Variants in C3orf70 observed in about 807,000 individuals in gnomAD.
The protein encoded by C3orf70 is chromosome 3 open reading frame 70, also known as UPF0524 protein C3orf70.
A neutral mutation model predicts 20.7 loss-of-function variants in C3orf70; 15 were observed. The ratio of observed to expected loss-of-function variants is 0.72; its 90% CI spans 0.48 to 1.11. The LOEUF (loss-of-function observed/expected upper bound fraction) is 1.11, where lower values mean the gene tolerates loss of function less well. Ranked by LOEUF, C3orf70 falls within the 50% of genes most tolerant of loss-of-function variation. The pLI is 0.00. For missense variants in C3orf70, 332 were observed against 317.6 expected (o/e 1.05, Z -0.34); for synonymous variants, 161 against 125.7 (o/e 1.28, Z -1.88).
rs181715140 is a variant in C3orf70 at position 185,106,849 on chromosome 3, T to C, written c.197-23286A>G. Among the ~76,000 whole-genome samples, 59 of 152,180 alleles carry C rather than the reference T, an allele frequency of 3.9e-4. No homozygotes were observed. In the East Asian group the frequency reaches 9.9e-3, roughly 25 times the overall value. On this transcript the variant is annotated intron_variant, in intron 1 of 1. Transcript: ENST00000335012. ...AGGTCTAGTTTAAATTTAAAAGGAG[T>C]GCAAACACATACAGGAGTCATTGAC...
intron 1 of C3orf70, among the ~76,000 whole-genome samples, chr3:185,086,830 C>T (rs529099945): frequency 8.0e-4 from 121 of 152,020 alleles, no homozygotes; most frequent in African/African-American, 2.5e-3. Flanking sequence ...GTAAAGATGG[C>T]CACATAAAAA....
intron 1 of C3orf70, among the ~76,000 whole-genome samples, chr3:185,109,499 A>T (rs1377795002): frequency 2.6e-5 from 4 of 152,184 alleles, no homozygotes; most frequent in African/African-American, 4.8e-5. Context: ...ACCCCAACTG[A>T]CACAAGCAAC....
At chr3:185,149,926 TTTTAA>T (rs1339311605) in intron 1 of C3orf70, among the ~76,000 whole-genome samples, 1 of 152,238 alleles carries the variant, frequency 6.6e-6, no homozygotes, top group Non-Finnish European at 1.5e-5. Flanking sequence ...AGATTATTTA[TTTTAA>T]AACAGTTTCT....
Position 185,085,612 on chromosome 3 carries a change from G to A in C3orf70, c.197-2049C>T, listed in dbSNP as rs556794513. On this transcript the variant is annotated intron_variant, in intron 1 of 1. Transcript: ENST00000335012. ...GAGAAGAACCCAGTCACACCTGCCT[G>A]GGGGAACTATGTTTAAAATATACCA... Among the ~76,000 whole-genome samples the A allele has an allele frequency of 1.5e-4, 22 of 150,136 alleles. 1 individual carries two copies. The highest frequency in any genetic ancestry group is 5.5e-4 in the African/African-American group (22 of 40,314).
chr3:185,136,271 T>G (rs1716618972), intron 1 of C3orf70, among the ~76,000 whole-genome samples: 1 of 152,128 alleles, frequency 6.6e-6, no homozygotes, highest in Non-Finnish European at 1.5e-5. Flanking sequence ...CAATCCCAAA[T>G]GTGTATGCAT....
At chr3:185,097,755 AG>A (rs1214846751) in intron 1 of C3orf70, among the ~76,000 whole-genome samples, 1 of 152,240 alleles carries the variant, frequency 6.6e-6, no homozygotes, top group Admixed American at 6.5e-5. Flanking sequence ...GGAACACAGA[AG>A]GCAGAAACAA....
At chr3:185,118,627 T>C (rs950468974) in intron 1 of C3orf70, among the ~76,000 whole-genome samples, 2 of 152,168 alleles carry the variant, frequency 1.3e-5, no homozygotes, top group Non-Finnish European at 2.9e-5. Flanking sequence ...AGCCCTAACA[T>C]TTAAATTACA....
intron 1 of C3orf70, among the ~76,000 whole-genome samples, chr3:185,120,192 G>A (rs548910675): frequency 6.6e-6 from 1 of 152,112 alleles, no homozygotes; most frequent in Non-Finnish European, 1.5e-5. Flanking sequence ...AAATGTACAA[G>A]CATGTAAGAC....
rs2108585321 is a variant in C3orf70 at position 185,082,894 on chromosome 3, TGGAGC to T, written c.*108_*112del. 2.0e-6 allele frequency: 2 copies of T among 1,021,844 alleles called. No homozygotes were observed. The highest frequency in any genetic ancestry group is 3.2e-5 in the African/African-American group (2 of 62,240). 63.3% of individuals were successfully genotyped at this position (1,021,844 alleles called of 1,614,324 possible). ...CCACTGAACTGCTACGGTTGTTGGT[TGGAGC>T]GGGGCGGGGTGGGTAGAAAATATCA... On this transcript the variant is annotated 3_prime_UTR_variant, in exon 2 of 2. Transcript: ENST00000335012.
intron 1 of C3orf70, 66 bp downstream of exon 1, chr3:185,152,562 C>T (rs1394796008): frequency 1.4e-6 from 2 of 1,439,654 alleles, no homozygotes; most frequent in Non-Finnish European, 9.3e-7. Flanking sequence ...CCGGCAGCGA[C>T]CCCGGACGGC....
intron 1 of C3orf70, among the ~76,000 whole-genome samples, chr3:185,145,204 C>G (rs1470021754): frequency 1.3e-5 from 2 of 152,146 alleles, no homozygotes; most frequent in Non-Finnish European, 2.9e-5. Context: ...AGATCTATAA[C>G]ATGAAAGAAC....
chr3:185,114,037 T>G (rs1716128572), intron 1 of C3orf70, among the ~76,000 whole-genome samples: 1 of 152,164 alleles, frequency 6.6e-6, no homozygotes, highest in East Asian at 1.9e-4. Flanking sequence ...CTGTCTCTAC[T>G]AAAAACACAA....
intron 1 of C3orf70, among the ~76,000 whole-genome samples, chr3:185,133,271 A>G (rs1234832152): frequency 6.6e-6 from 1 of 152,248 alleles, no homozygotes; most frequent in Non-Finnish European, 1.5e-5. Context: ...GCAATATCTA[A>G]TAAAACTACA....
intron 1 of C3orf70, among the ~76,000 whole-genome samples, chr3:185,087,938 GTCTC>G (rs58269021): frequency 1.4e-4 from 20 of 143,460 alleles, no homozygotes; most frequent in Non-Finnish European, 3.0e-4. Context: ...TTGAGATGGA[GTCTC>G]TCTCTGCTGC....
Position 185,081,996 on chromosome 3 carries a change from TATTA to T in C3orf70, c.*1007_*1010del, listed in dbSNP as rs1715349030. On this transcript the variant is annotated 3_prime_UTR_variant, in exon 2 of 2. Coordinates refer to ENST00000335012, the MANE Select transcript of C3orf70 (RefSeq NM_001025266.3). ...GTAGCATTTCCATGCTAACTAAAAC[TATTA>T]ATTTATTTTTTTTCCTTAAGATGTC... 6.6e-6 allele frequency: 1 copy of T among 152,294 alleles called. No homozygotes were observed. The highest frequency in any genetic ancestry group is 1.5e-5 in the Non-Finnish European group (1 of 68,016). 9.4% of individuals were successfully genotyped at this position (152,294 alleles called of 1,614,324 possible).
chr3:185,091,030 C>T (rs1008659436), intron 1 of C3orf70, among the ~76,000 whole-genome samples: 9 of 152,048 alleles, frequency 5.9e-5, no homozygotes, highest in African/African-American at 2.2e-4. Context: ...ATCCTTATTG[C>T]ATATCTACCA....
At chr3:185,134,317 G>A (rs549660743) in intron 1 of C3orf70, among the ~76,000 whole-genome samples, 1 of 152,144 alleles carries the variant, frequency 6.6e-6, no homozygotes, top group Admixed American at 6.5e-5. Flanking sequence ...AATATTTCCA[G>A]GAAAATGGAA....
rs60241057 is a variant in C3orf70 at position 185,079,280 on chromosome 3, C to CAAAAAAAA, written c.*3719_*3726dup. On this transcript the variant is annotated 3_prime_UTR_variant, in exon 2 of 2. Transcript: ENST00000335012. ...TGGGTGAAGGAGCGAGACTCTGTCT[C>CAAAAAAAA]AAAAAAAAAAAAAAAAAAAAAAAAG... is the stretch of plus-strand genomic sequence containing the variant. 4.5e-4 allele frequency: 23 copies of CAAAAAAAA among 50,622 alleles called. 1 individual carries two copies. The highest frequency in any genetic ancestry group is 6.1e-4 in the Non-Finnish European group (14 of 23,012). The allele number at this position is 50,622 out of a possible 1,614,324, so 3.1% of individuals were successfully genotyped here.
intron 1 of C3orf70, among the ~76,000 whole-genome samples, chr3:185,112,338 T>C (rs1040936304): frequency 6.6e-6 from 1 of 152,186 alleles, no homozygotes; most frequent in Admixed American, 6.5e-5. Flanking sequence ...GACTATATTC[T>C]GACTGTAACA....
Sources: gnomAD v4.1 joint callset for allele counts (sites outside exome capture counted in the v4.1 genomes callset) on GRCh38, gnomAD v4.1.1 for gene constraint, MANE v1.5 for transcripts, NCBI Gene and HGNC (gene_info 2026-07-23, HGNC 2026-07-21) for gene names.